GABRG3: variants seen among roughly 807,000 people sequenced by gnomAD.
The protein encoded by GABRG3 is gamma-aminobutyric acid receptor subunit gamma-3.
A neutral mutation model predicts 48.8 loss-of-function variants in GABRG3; 25 were observed. That is an observed-to-expected ratio of 0.51 (90% CI 0.37 to 0.72). GABRG3 has a LOEUF of 0.72. Among genes scored for constraint, GABRG3 ranks in the 30% least tolerant of loss-of-function variants. GABRG3 has a pLI of 0.00. For synonymous variants in GABRG3, 227 were observed against 217.6 expected (o/e 1.04, Z -0.38); for missense variants, 394 against 577.9 (o/e 0.68, Z 3.26).
At chr15:27,306,305 ATAT>A (rs1892438695) in intron 3 of GABRG3, among the ~76,000 whole-genome samples, 2 of 136,880 alleles carry the variant, frequency 1.5e-5, no homozygotes, top group African/African-American at 5.7e-5. Flanking sequence ...ATAAACATAT[ATAT>A]AATATAAACA....
chr15:27,081,250 C>G (rs943045020), intron 3 of GABRG3, among the ~76,000 whole-genome samples: 1 of 152,148 alleles, frequency 6.6e-6, no homozygotes, highest in Non-Finnish European at 1.5e-5. Flanking sequence ...CCAGAGGCTA[C>G]AAGGATGCTA....
intron 5 of GABRG3, among the ~76,000 whole-genome samples, chr15:27,361,255 G>A (rs9672931): frequency 0.35 from 52,741 of 151,984 alleles, 11,053 homozygotes; most frequent in African/African-American, 0.58. Flanking sequence ...TTGTGAATGC[G>A]GTGGCCACTG....
chr15:27,270,681 C>G (rs910518631), intron 3 of GABRG3, among the ~76,000 whole-genome samples: 1 of 152,020 alleles, frequency 6.6e-6, no homozygotes, highest in Non-Finnish European at 1.5e-5. Flanking sequence ...GGGGTGACTA[C>G]AGCAAATAAC....
intron 5 of GABRG3, among the ~76,000 whole-genome samples, chr15:27,458,187 G>C (rs1385724760): frequency 2.6e-5 from 4 of 152,166 alleles, no homozygotes; most frequent in African/African-American, 4.8e-5. Flanking sequence ...CGCAGATCGT[G>C]ATAAGTGCGG....
chr15:27,501,272 T>C (rs1890631872), intron 6 of GABRG3, among the ~76,000 whole-genome samples: 1 of 152,076 alleles, frequency 6.6e-6, no homozygotes, highest in Admixed American at 6.5e-5. Flanking sequence ...TGTTTCTAAA[T>C]GTTGAAATGG....
chr15:27,251,704 A>G lies in GABRG3; in HGVS notation c.271-75105A>G, dbSNP rs143407353. 5.1e-3 allele frequency among the ~76,000 whole-genome samples: 778 copies of G among 152,324 alleles called. 4 individuals are homozygous for G. Among genetic ancestry groups the G allele is most frequent in the Middle Eastern group, 0.031 (9 of 294 alleles). ...GGTTTTGGTTTATTTTCTTCTAAAA[A>G]AAGTAACTGTGTAGCCTTTATGTCT... On this transcript the variant is annotated intron_variant, in intron 3 of 9. Coordinates refer to ENST00000615808, the MANE Select transcript of GABRG3 (RefSeq NM_033223.5).
At chr15:27,153,761 T>C (rs921531880) in intron 3 of GABRG3, among the ~76,000 whole-genome samples, 1 of 152,232 alleles carries the variant, frequency 6.6e-6, no homozygotes, top group African/African-American at 2.4e-5. Context: ...AGTTTACTTA[T>C]GTTACCCATC....
chr15:27,086,646 C>G (rs1756714381), intron 3 of GABRG3, among the ~76,000 whole-genome samples: 1 of 152,202 alleles, frequency 6.6e-6, no homozygotes, highest in Non-Finnish European at 1.5e-5. Flanking sequence ...GTTAGTTCCA[C>G]AAGCATTTTT....
chr15:27,373,908 C>T (rs1895497686), intron 5 of GABRG3, among the ~76,000 whole-genome samples: 1 of 152,020 alleles, frequency 6.6e-6, no homozygotes. Flanking sequence ...ACGTGTTGGC[C>T]ACAATCTCCA....
intron 3 of GABRG3, among the ~76,000 whole-genome samples, chr15:27,079,158 C>T (rs1177412297): frequency 3.3e-5 from 5 of 151,990 alleles, no homozygotes; most frequent in South Asian, 4.1e-4. Flanking sequence ...TAGGCATGGT[C>T]GGGTGTGAGC....
intron 3 of GABRG3, among the ~76,000 whole-genome samples, chr15:27,316,301 T>C (rs1044915965): frequency 7.2e-6 from 1 of 138,336 alleles, no homozygotes; most frequent in Admixed American, 8.1e-5. Context: ...GGCAGGAGAA[T>C]GGCGTGAACC....
intron 5 of GABRG3, among the ~76,000 whole-genome samples, chr15:27,384,588 A>G (rs1285532156): frequency 6.6e-6 from 1 of 152,244 alleles, no homozygotes; most frequent in African/African-American, 2.4e-5. Flanking sequence ...TATGAATATT[A>G]GAGAATCATG....
intron 5 of GABRG3, among the ~76,000 whole-genome samples, chr15:27,415,567 A>C (rs1887916448): frequency 6.6e-6 from 1 of 152,188 alleles, no homozygotes; most frequent in African/African-American, 2.4e-5. Context: ...TACACTGCTC[A>C]GGTGATGAAT....
intron 3 of GABRG3, among the ~76,000 whole-genome samples, chr15:27,060,681 C>T (rs573709282): frequency 7.2e-5 from 11 of 152,278 alleles, no homozygotes; most frequent in African/African-American, 2.4e-4. Context: ...GCAGGAGTCA[C>T]GTCTAAGTGG....
intron 5 of GABRG3, chr15:27,428,396 C>A (rs557093975): frequency 2.6e-5 from 4 of 152,272 alleles, no homozygotes; most frequent in African/African-American, 9.6e-5. Flanking sequence ...TTATTTTCAT[C>A]CTGAATGTAT....
intron 7 of GABRG3, among the ~76,000 whole-genome samples, chr15:27,526,770 T>C (rs1487183186): frequency 6.6e-6 from 1 of 152,226 alleles, no homozygotes; most frequent in Non-Finnish European, 1.5e-5. Context: ...ATTCATTCGA[T>C]GCAAATCATT....
At chr15:27,079,706 A>G (rs1359828399) in intron 3 of GABRG3, among the ~76,000 whole-genome samples, 2 of 152,102 alleles carry the variant, frequency 1.3e-5, no homozygotes, top group Non-Finnish European at 2.9e-5. Flanking sequence ...AAAAATAATA[A>G]CATTGCCATC....
At chr15:27,039,695 A>G (rs1250011574) in intron 3 of GABRG3, among the ~76,000 whole-genome samples, 3 of 152,368 alleles carry the variant, frequency 2.0e-5, no homozygotes, top group African/African-American at 7.2e-5. Context: ...AGGAAAGCAC[A>G]GAACTTTCTT....
chr15:27,362,206 G>A (rs1895048509), intron 5 of GABRG3: 1 of 152,236 alleles, frequency 6.6e-6, no homozygotes, highest in Non-Finnish European at 1.5e-5. Context: ...AATGTTAAAA[G>A]CACAGGAGCA....
Sources: allele counts gnomAD v4.1 joint callset (sites outside exome capture counted in the v4.1 genomes callset), GRCh38; gene constraint gnomAD v4.1.1; transcripts MANE v1.5; gene names NCBI Gene and HGNC (gene_info 2026-07-23, HGNC 2026-07-21).